MCUB: variants seen among roughly 807,000 people sequenced by gnomAD.
MCUB encodes the protein calcium uniporter regulatory subunit MCUb, mitochondrial.
MCUB carries 46 observed loss-of-function variants against 41.4 expected under a neutral mutation model. The ratio of observed to expected loss-of-function variants is 1.11; its 90% CI spans 0.88 to 1.42. The LOEUF (loss-of-function observed/expected upper bound fraction) is 1.42, where lower values mean the gene tolerates loss of function less well. MCUB is among the 40% of genes most tolerant of loss of function. The probability of loss-of-function intolerance (pLI) is 0.00; values close to 1 mark genes in which losing one functional copy is unlikely to be tolerated. For missense variants in MCUB, 403 were observed against 404.9 expected (o/e 1.00, Z 0.04); for synonymous variants, 148 against 148.2 (o/e 1.00, Z 0.01).
intron 1 of MCUB, among the ~76,000 whole-genome samples, chr4:109,637,920 A>G (rs1728630667): frequency 6.6e-6 from 1 of 152,220 alleles, no homozygotes; most frequent in Non-Finnish European, 1.5e-5. Flanking sequence ...AATTTTTAAA[A>G]TGTTTAAAAT....
chr4:109,672,258 T>G (rs1729473687), intron 4 of MCUB, among the ~76,000 whole-genome samples: 2 of 152,316 alleles, frequency 1.3e-5, no homozygotes, highest in African/African-American at 4.8e-5. Flanking sequence ...GGAGGACATG[T>G]GCTCAGGGCT....
At chr4:109,624,943 C>T (rs751742421) in intron 1 of MCUB, among the ~76,000 whole-genome samples, 1 of 152,056 alleles carries the variant, frequency 6.6e-6, no homozygotes, top group African/African-American at 2.4e-5. Context: ...AGTTCAAGAC[C>T]AGCCTAGCCA....
chr4:109,566,295 C>A (rs1726775106), intron 1 of MCUB, among the ~76,000 whole-genome samples: 1 of 151,466 alleles, frequency 6.6e-6, no homozygotes, highest in South Asian at 2.1e-4. Flanking sequence ...CGGTGAAACC[C>A]CGTCTCTACT....
intron 1 of MCUB, among the ~76,000 whole-genome samples, chr4:109,604,122 A>G (rs1274056568): frequency 1.3e-5 from 2 of 151,786 alleles, no homozygotes; most frequent in African/African-American, 4.8e-5. Flanking sequence ...TGCTGTGTCC[A>G]CTCAGGGTTA....
intron 1 of MCUB, among the ~76,000 whole-genome samples, chr4:109,647,452 T>C (rs921148899): frequency 2.6e-5 from 4 of 151,684 alleles, no homozygotes; most frequent in South Asian, 4.1e-4. Context: ...CTTTTCAGAT[T>C]GGCTTCTTTC....
intron 1 of MCUB, among the ~76,000 whole-genome samples, chr4:109,583,127 G>C (rs962435155): frequency 6.6e-6 from 1 of 152,156 alleles, no homozygotes; most frequent in Non-Finnish European, 1.5e-5. Context: ...GATGGGTATG[G>C]CATTGAATCT....
intron 1 of MCUB, among the ~76,000 whole-genome samples, chr4:109,597,680 G>C (rs1339974478): frequency 7.4e-6 from 1 of 135,194 alleles, no homozygotes; most frequent in Non-Finnish European, 1.6e-5. Flanking sequence ...TGGCCGGGCG[G>C]GGGGCTGACC....
intron 4 of MCUB, among the ~76,000 whole-genome samples, chr4:109,673,407 A>C (rs1222091065): frequency 6.6e-6 from 1 of 152,200 alleles, no homozygotes; most frequent in Non-Finnish European, 1.5e-5. Flanking sequence ...TGCTGCTGGA[A>C]GGGCTGTGTG....
At chr4:109,626,062 G>T (rs1306892102) in intron 1 of MCUB, among the ~76,000 whole-genome samples, 1 of 152,152 alleles carries the variant, frequency 6.6e-6, no homozygotes. Flanking sequence ...GTTGACCAGT[G>T]TCCTACAGTC....
At position 109,686,463 on chromosome 4, in the gene MCUB, A is replaced by T. The variant is rs921013587; in HGVS notation, c.934-1052A>T. 1.3e-5 allele frequency among the ~76,000 whole-genome samples: 2 copies of T among 152,186 alleles called. 1 individual carries two copies. The highest frequency in any genetic ancestry group is 1.3e-4 in the Admixed American group (2 of 15,280). ...CAAGCCTTTTTAAAAAATGTATTTT[A>T]TTTCATATAGTCATTCTATAGGAAA... On this transcript the variant is annotated intron_variant, in intron 7 of 7. Transcript: ENST00000394650.
At chr4:109,567,520 A>G (rs1221068390) in intron 1 of MCUB, among the ~76,000 whole-genome samples, 1 of 105,176 alleles carries the variant, frequency 9.5e-6, no homozygotes, top group African/African-American at 4.0e-5. Context: ...CTAAAATACA[A>G]AAAATTAGCC....
intron 3 of MCUB, among the ~76,000 whole-genome samples, chr4:109,662,972 T>C (rs1390616107): frequency 6.6e-6 from 1 of 152,208 alleles, no homozygotes; most frequent in African/African-American, 2.4e-5. Context: ...CTGCAACTGA[T>C]GAACAGCAAC....
chr4:109,611,887 C>T (rs1407910340), intron 1 of MCUB, among the ~76,000 whole-genome samples: 1 of 152,210 alleles, frequency 6.6e-6, no homozygotes, highest in African/African-American at 2.4e-5. Flanking sequence ...GATGATGCTG[C>T]ATTGATCAAG....
chr4:109,579,251 C>T (rs1485806886), intron 1 of MCUB, among the ~76,000 whole-genome samples: 1 of 140,490 alleles, frequency 7.1e-6, no homozygotes, highest in African/African-American at 2.4e-5. Flanking sequence ...CTGATTAAAC[C>T]TCACTTTTTT....
At chr4:109,580,178 C>T (rs545582367) in intron 1 of MCUB, among the ~76,000 whole-genome samples, 1 of 152,302 alleles carries the variant, frequency 6.6e-6, no homozygotes, top group African/African-American at 2.4e-5. Flanking sequence ...TGGTTTCCAG[C>T]TGCATCCATG....
At chr4:109,630,769 C>T (rs149406372) in intron 1 of MCUB, among the ~76,000 whole-genome samples, 79 of 152,160 alleles carry the variant, frequency 5.2e-4, no homozygotes, top group African/African-American at 1.7e-3. Context: ...TTAGTAGAGA[C>T]GGAGTTTCTC....
intron 1 of MCUB, among the ~76,000 whole-genome samples, chr4:109,643,130 AT>A (rs1425653740): frequency 6.6e-6 from 1 of 151,698 alleles, no homozygotes; most frequent in Non-Finnish European, 1.5e-5. Context: ...ACAACTTACC[AT>A]TTTTTTAAAC....
chr4:109,562,264 A>G (rs1248138189), intron 1 of MCUB, among the ~76,000 whole-genome samples: 1 of 152,208 alleles, frequency 6.6e-6, no homozygotes, highest in Non-Finnish European at 1.5e-5. Flanking sequence ...GCCTAATAAC[A>G]GGGAAACAGT....
intron 4 of MCUB, among the ~76,000 whole-genome samples, chr4:109,673,247 C>G (rs1201888638): frequency 1.3e-5 from 2 of 152,180 alleles, no homozygotes; most frequent in Non-Finnish European, 2.9e-5. Flanking sequence ...CATTTATGAA[C>G]AAACAAGTGG....
Sources: allele counts gnomAD v4.1 joint callset (sites outside exome capture counted in the v4.1 genomes callset), GRCh38; gene constraint gnomAD v4.1.1; transcripts MANE v1.5; gene names NCBI Gene and HGNC (gene_info 2026-07-23, HGNC 2026-07-21).